Variants in SFXN5 observed in about 807,000 individuals in gnomAD.
SFXN5 encodes sideroflexin-5.
In SFXN5, 43 loss-of-function variants were observed where a neutral mutation model predicts 50.2. The observed-to-expected ratio is 0.86, with a 90% confidence interval of 0.67 to 1.11. SFXN5 has a LOEUF of 1.11. Among genes scored for constraint, SFXN5 ranks in the 50% least tolerant of loss-of-function variants. SFXN5 has a pLI of 0.00. For synonymous variants in SFXN5, 203 were observed against 185.8 expected (o/e 1.09, Z -0.75); for missense variants, 463 against 454.1 (o/e 1.02, Z -0.18).
In SFXN5 at chr2:72,945,788, T is replaced by C. The variant is rs1671868295; in HGVS notation, c.946-689A>G. 6.6e-6 allele frequency among the ~76,000 whole-genome samples: 1 copy of C among 151,944 alleles called. No individual in the cohort carries two copies. The highest frequency in any genetic ancestry group is 1.9e-4 in the East Asian group (1 of 5,146). Reference sequence around the variant, plus strand: ...TGTAATGGAGACCCTCAAAATTCCCTGTCCTTGACTTTGGCTGGACCCCCA... The same window carrying C: ...TGTAATGGAGACCCTCAAAATTCCCCGTCCTTGACTTTGGCTGGACCCCCA... On this transcript the variant is annotated intron_variant, in intron 13 of 13. Transcript: ENST00000272433. This position sits in a 1 kb window ranked among gnomAD's most constrained non-coding sequence, Gnocchi z 5.8.
chr2:73,039,404 C>G (rs1296729822), intron 3 of SFXN5, among the ~76,000 whole-genome samples: 1 of 152,058 alleles, frequency 6.6e-6, no homozygotes, highest in African/African-American at 2.4e-5. Context: ...CCAGATAAAA[C>G]AAATTTGAAA....
chr2:73,037,622 T>C (rs560667463), intron 3 of SFXN5, among the ~76,000 whole-genome samples: 1 of 152,296 alleles, frequency 6.6e-6, no homozygotes, highest in East Asian at 1.9e-4. Context: ...GAGAAGATCC[T>C]AAATATTTCC....
chr2:72,988,671 T>A (rs1193526551), intron 9 of SFXN5, among the ~76,000 whole-genome samples: 4 of 151,950 alleles, frequency 2.6e-5, no homozygotes, highest in Non-Finnish European at 4.4e-5. Flanking sequence ...AGAAAAGGGA[T>A]AGGATGCTGT....
intron 10 of SFXN5, among the ~76,000 whole-genome samples, chr2:72,980,167 C>T (rs1671108580): frequency 6.6e-6 from 1 of 152,048 alleles, no homozygotes; most frequent in Non-Finnish European, 1.5e-5. Flanking sequence ...TCCTTCCTTC[C>T]ACCGTTGTGG....
At chr2:73,021,288 G>C (rs750883164) in intron 5 of SFXN5, among the ~76,000 whole-genome samples, 1 of 152,086 alleles carries the variant, frequency 6.6e-6, no homozygotes, top group Non-Finnish European at 1.5e-5. Flanking sequence ...TTCTAGACCA[G>C]CCTGGCCAAC....
At chr2:73,064,950 A>G (rs978911213) in intron 1 of SFXN5, among the ~76,000 whole-genome samples, 6 of 151,936 alleles carry the variant, frequency 3.9e-5, no homozygotes, top group African/African-American at 1.5e-4. Context: ...CCACACCTGG[A>G]TAATTTTTAT....
intron 9 of SFXN5, 120 bp from the exon 10 acceptor site, chr2:72,988,468 G>T: frequency 2.3e-6 from 2 of 853,394 alleles, no homozygotes; most frequent in Non-Finnish European, 3.7e-6. Flanking sequence ...CCCCACAACT[G>T]CACCTCACAC....
At chr2:73,030,033 T>C (rs971333411) in intron 3 of SFXN5, among the ~76,000 whole-genome samples, 2 of 152,064 alleles carry the variant, frequency 1.3e-5, no homozygotes, top group African/African-American at 2.4e-5. Context: ...GATCACACCA[T>C]TGCCCTCCAT....
intron 6 of SFXN5, among the ~76,000 whole-genome samples, chr2:73,009,587 C>T (rs771186203): frequency 3.9e-4 from 59 of 152,316 alleles, no homozygotes; most frequent in Non-Finnish European, 6.5e-4. Flanking sequence ...GGGAGGTATC[C>T]CAGGCCATGC....
chr2:73,022,197 C>A (rs1480198844), intron 5 of SFXN5, among the ~76,000 whole-genome samples: 1 of 152,176 alleles, frequency 6.6e-6, no homozygotes, highest in Non-Finnish European at 1.5e-5. Flanking sequence ...CCAGGGCTTG[C>A]TTACAGCAGG....
At chr2:73,053,911 A>G (rs1340219194) in intron 2 of SFXN5, among the ~76,000 whole-genome samples, 1 of 152,122 alleles carries the variant, frequency 6.6e-6, no homozygotes, top group Non-Finnish European at 1.5e-5. Context: ...TGGGAGGAAA[A>G]CAGTATTTAT....
At chr2:73,050,592 A>C (rs1681172071) in intron 2 of SFXN5, among the ~76,000 whole-genome samples, 1 of 152,140 alleles carries the variant, frequency 6.6e-6, no homozygotes, top group African/African-American at 2.4e-5. Context: ...GAAGTCCCAC[A>C]GACACTCTAC....
At chr2:73,054,677 C>G (rs1370981229) in intron 2 of SFXN5, among the ~76,000 whole-genome samples, 1 of 152,166 alleles carries the variant, frequency 6.6e-6, no homozygotes, top group African/African-American at 2.4e-5. Flanking sequence ...CTCCCTCTAC[C>G]ATGTCTCAAT....
chr2:72,958,165 T>G (rs1673315576), intron 13 of SFXN5, among the ~76,000 whole-genome samples: 1 of 152,142 alleles, frequency 6.6e-6, no homozygotes, highest in Non-Finnish European at 1.5e-5. Context: ...GAGGAACACC[T>G]GCCAAAGACC....
chr2:73,025,169 A>G (rs1289681923), intron 3 of SFXN5, among the ~76,000 whole-genome samples: 1 of 152,022 alleles, frequency 6.6e-6, no homozygotes, highest in East Asian at 1.9e-4. Flanking sequence ...AAAAAAAAAC[A>G]TAAAAGGCTG....
In SFXN5 at chr2:72,971,689, CAG is replaced by C. The variant is rs757914887; in HGVS notation, c.626-6_626-5del. 2.4e-5 allele frequency: 39 copies of C among 1,609,918 alleles called. No individual in the cohort carries two copies. The highest frequency in any genetic ancestry group is 6.7e-5 in the African/African-American group (5 of 74,838). ...ACATTGCAGATATTGGCACTGGCTG[CAG>C]AGAGAGGGGATGCAGAGAGCAGGAT... On this transcript the variant is annotated splice_region_variant and splice_polypyrimidine_tract_variant and intron_variant, in intron 10 of 13. Coordinates refer to ENST00000272433, the MANE Select transcript of SFXN5 (RefSeq NM_144579.3).
intron 6 of SFXN5, among the ~76,000 whole-genome samples, chr2:73,012,690 A>G (rs891148361): frequency 6.6e-6 from 1 of 150,532 alleles, no homozygotes; most frequent in African/African-American, 2.5e-5. Context: ...ACACACACAC[A>G]CACACACACA....
Position 72,958,052 on chromosome 2 carries a change from A to T in SFXN5, c.945+3079T>A, listed in dbSNP as rs192975609. Reference sequence around the variant, plus strand: ...GAGGGGAGCCTGGGCTTTGACCTGCAGCAGCTGTGAGACCAGGGTGGCTCA... The same window carrying T: ...GAGGGGAGCCTGGGCTTTGACCTGCTGCAGCTGTGAGACCAGGGTGGCTCA... On this transcript the variant is annotated intron_variant, in intron 13 of 13. Transcript: ENST00000272433. Among the ~76,000 whole-genome samples, 433 of 152,326 alleles carry T rather than the reference A, an allele frequency of 2.8e-3. 4 individuals are homozygous for T. The highest frequency in any genetic ancestry group is 3.7e-3 in the Non-Finnish European group (252 of 68,028).
rs1388578690 is a variant in SFXN5 at position 72,945,834 on chromosome 2, C to A, written c.946-735G>T. On this transcript the variant is annotated intron_variant, in intron 13 of 13. Coordinates refer to ENST00000272433, the MANE Select transcript of SFXN5 (RefSeq NM_144579.3). The surrounding 1 kb of genome is among the most constrained non-coding windows in gnomAD (Gnocchi z 5.8). ...CCCCAACCACTGCAGACAACCACCC[C>A]ACCCCTGCCCCCATAGCCAGGTCAG... 1.3e-5 allele frequency among the ~76,000 whole-genome samples: 2 copies of A among 152,052 alleles called. No individual in the cohort carries two copies. Among genetic ancestry groups the A allele is most frequent in the Non-Finnish European group, 2.9e-5 (2 of 68,010 alleles).
Sources: allele counts gnomAD v4.1 joint callset (sites outside exome capture counted in the v4.1 genomes callset), GRCh38; gene constraint gnomAD v4.1.1; non-coding constraint Gnocchi (gnomAD v3.1); transcripts MANE v1.5; gene names NCBI Gene and HGNC (gene_info 2026-07-23, HGNC 2026-07-21).